The following IL31RA variants were observed in gnomAD, a reference collection of about 807,000 sequenced individuals.
The protein encoded by IL31RA is interleukin 31 receptor A, also known as interleukin-31 receptor subunit alpha.
A neutral mutation model predicts 83.7 loss-of-function variants in IL31RA; 66 were observed. The ratio of observed to expected loss-of-function variants is 0.79; its 90% CI spans 0.65 to 0.97. IL31RA has a LOEUF of 0.97. Among genes scored for constraint, IL31RA ranks in the 50% least tolerant of loss-of-function variants. The pLI, the probability that IL31RA is intolerant of heterozygous loss-of-function variation, is 0.00. For synonymous variants in IL31RA, 325 were observed against 329.0 expected, an observed-to-expected ratio of 0.99 and a Z score of 0.13; for missense variants, 798 against 919.4, an observed-to-expected ratio of 0.87 and a Z score of 1.71.
rs1233949267 is a variant in IL31RA at position 55,872,452 on chromosome 5, G to A, written c.454+1G>A. 1 of 1,583,650 alleles carries A rather than the reference G, an allele frequency of 6.3e-7. No homozygotes were observed. The highest frequency in any genetic ancestry group is 2.2e-5 in the East Asian group (1 of 44,672). Reference sequence around the variant, plus strand: ...ACATACTGGAGATTAGAGAACATAGGTAAGTGTTATTTGATACTCTTATAT... The same window carrying A: ...ACATACTGGAGATTAGAGAACATAGATAAGTGTTATTTGATACTCTTATAT... On this transcript the variant is annotated splice_donor_variant, in intron 4 of 14. Transcript: ENST00000652347. LOFTEE classifies it high-confidence loss of function.
At chr5:55,886,840 C>T (rs1420966940) in intron 5 of IL31RA, among the ~76,000 whole-genome samples, 1 of 152,230 alleles carries the variant, frequency 6.6e-6, no homozygotes, top group African/African-American at 2.4e-5. Flanking sequence ...TTGCACCTCT[C>T]CTGCCCCAAT....
chr5:55,917,693 C>T lies in IL31RA; in HGVS notation c.*573C>T, dbSNP rs1339114594. ...GGTTGTCTGAGGCTCCTCACATCCT[C>T]TTAGATCTCAAGTGCCTGTAGCAAC... On this transcript the variant is annotated 3_prime_UTR_variant, in exon 15 of 15. Transcript: ENST00000652347. Among the ~76,000 whole-genome samples, 3 of 152,188 alleles carry T rather than the reference C, an allele frequency of 2.0e-5. No homozygotes were observed. Among genetic ancestry groups the T allele is most frequent in the African/African-American group, 7.2e-5 (3 of 41,438 alleles).
chr5:55,901,942 T>C (rs1007792557), intron 8 of IL31RA, among the ~76,000 whole-genome samples: 2 of 152,224 alleles, frequency 1.3e-5, no homozygotes, highest in South Asian at 2.1e-4. Flanking sequence ...AAATTTCTGA[T>C]TGATCAAATT....
chr5:55,865,350 C>A (rs982981555), intron 2 of IL31RA, among the ~76,000 whole-genome samples: 1 of 152,068 alleles, frequency 6.6e-6, no homozygotes, highest in African/African-American at 2.4e-5. Context: ...ATGTGCAGGA[C>A]TAGGAGGAAG....
chr5:55,861,996 T>G (rs1439379351), intron 2 of IL31RA, among the ~76,000 whole-genome samples: 2 of 152,200 alleles, frequency 1.3e-5, no homozygotes, highest in East Asian at 3.8e-4. Flanking sequence ...ATGTTCCTCT[T>G]GCGTATGGGA....
chr5:55,876,763 A>T (rs1580685024), intron 4 of IL31RA, among the ~76,000 whole-genome samples: 2 of 151,814 alleles, frequency 1.3e-5, no homozygotes, highest in Middle Eastern at 3.4e-3. Flanking sequence ...TTTAATTTAA[A>T]TTTTTTATTT....
Position 55,851,585 on chromosome 5 carries a change from A to C in IL31RA, c.15A>C (p.Gln5His), listed in dbSNP as rs1238660040. 1 of 1,613,854 alleles carries C rather than the reference A, an allele frequency of 6.2e-7. No individual in the cohort carries two copies. The highest frequency in any genetic ancestry group is 1.3e-5 in the African/African-American group (1 of 74,884). ...CTCAGCTGGGAATGTGCATCAGGCAACTCAAGTTTTTCACCACGGCATGTG... is the reference window on the plus strand; with the variant it reads ...CTCAGCTGGGAATGTGCATCAGGCACCTCAAGTTTTTCACCACGGCATGTG... Reference protein sequence around the residue: MCIRQLKFFTTACVC... With the variant: MCIRHLKFFTTACVC... Residue 5 changes from glutamine (Q) to histidine (H), a missense_variant, in exon 1 of 15, where the codon CAA becomes CAC. Transcript: ENST00000652347.
chr5:55,910,408 G>A (rs1185534815), intron 11 of IL31RA, 124 bp from the exon 12 acceptor site: 10 of 980,932 alleles, frequency 1.0e-5, no homozygotes, highest in Middle Eastern at 2.8e-4. Flanking sequence ...ACATGAATAG[G>A]GGTCAGAATA....
rs1749807356 is a variant in IL31RA at position 55,916,739 on chromosome 5, C to T, written c.1914C>T (p.Asp638=). 2 of 1,614,140 alleles carry T rather than the reference C, an allele frequency of 1.2e-6. No homozygotes were observed. Among genetic ancestry groups the T allele is most frequent in the East Asian group, 4.5e-5 (2 of 44,882 alleles). The change falls in exon 15 of 15, where the codon GAC becomes GAT. Residue 638 remains aspartate (D), a synonymous_variant. Transcript: ENST00000652347. The part of the protein sequence containing the change: ...CSTPSDKLVI[D]KLVVNFGNVL... ...CCCCCAGTGACAAGTTGGTGATTGA[C>T]AAGTTGGTGGTGAACTTTGGGAATG...
chr5:55,910,071 A>G (rs1749409361), intron 11 of IL31RA, among the ~76,000 whole-genome samples: 1 of 152,154 alleles, frequency 6.6e-6, no homozygotes, highest in South Asian at 2.1e-4. Context: ...AAATTGGGTT[A>G]TCTTTTCGTT....
intron 10 of IL31RA, 132 bp from the exon 11 acceptor site, chr5:55,908,133 A>C (rs548260717): frequency 8.0e-7 from 1 of 1,256,372 alleles, no homozygotes; most frequent in Admixed American, 2.0e-5. Context: ...TGATTCATCA[A>C]TTCCCTACTC....
At chr5:55,875,501 G>C (rs1283983908) in intron 4 of IL31RA, among the ~76,000 whole-genome samples, 2 of 152,002 alleles carry the variant, frequency 1.3e-5, no homozygotes, top group African/African-American at 4.8e-5. Flanking sequence ...TTTCTTTGTG[G>C]GAAGTTTTTG....
chr5:55,884,128 G>A (rs770254255), intron 5 of IL31RA, among the ~76,000 whole-genome samples: 1 of 152,074 alleles, frequency 6.6e-6, no homozygotes, highest in Admixed American at 6.6e-5. Context: ...CTATTGGCTG[G>A]TCTGCCTGAT....
At chr5:55,901,806 G>A (rs901135118) in intron 8 of IL31RA, among the ~76,000 whole-genome samples, 4 of 151,720 alleles carry the variant, frequency 2.6e-5, no homozygotes, top group African/African-American at 9.7e-5. Flanking sequence ...GTAGCGACGG[G>A]GTTTCTCCAT....
At chr5:55,865,949 C>T (rs1211244931) in intron 2 of IL31RA, among the ~76,000 whole-genome samples, 2 of 152,166 alleles carry the variant, frequency 1.3e-5, no homozygotes, top group South Asian at 2.1e-4. Context: ...CTCTGTCTTC[C>T]CTGAACTGTC....
Position 55,872,170 on chromosome 5 carries a change from C to T in IL31RA, c.273-100C>T, listed in dbSNP as rs544785557. 1.8e-5 allele frequency: 16 copies of T among 887,772 alleles called. No homozygotes were observed. In the Admixed American group the frequency reaches 3.1e-4, roughly 17 times the overall value. 55.0% of individuals were successfully genotyped at this position (887,772 alleles called of 1,614,324 possible). On this transcript the variant is annotated intron_variant, in intron 3 of 14. Coordinates refer to ENST00000652347, the MANE Select transcript of IL31RA (RefSeq NM_139017.7). Reference sequence around the variant, plus strand: ...CTGGACTATACAGTTCTCAAGAAAACCCAGAGAAAAACTAACAAATTACTG... The same window carrying T: ...CTGGACTATACAGTTCTCAAGAAAATCCAGAGAAAAACTAACAAATTACTG...
At chr5:55,840,025 T>G in the IL31RA span, 3 of 472,010 alleles carry the variant, frequency 6.4e-6, no homozygotes, top group Non-Finnish European at 1.2e-5. Context: ...CCCAACATCA[T>G]TGTCTCTTAC....
chr5:55,906,814 A>G (rs1749187746), intron 9 of IL31RA, among the ~76,000 whole-genome samples: 1 of 152,168 alleles, frequency 6.6e-6, no homozygotes. Flanking sequence ...GATGGAGTGC[A>G]GTGGCACGAT....
intron 6 of IL31RA, among the ~76,000 whole-genome samples, chr5:55,894,123 A>AT (rs751218683): frequency 0.024 from 3,566 of 145,706 alleles, 138 homozygotes; most frequent in African/African-American, 0.082. Context: ...TTGTCTTTAG[A>AT]TTTTTTTTTT....
Sources: gnomAD v4.1 joint callset for allele counts (sites outside exome capture counted in the v4.1 genomes callset) on GRCh38, gnomAD v4.1.1 for gene constraint, MANE v1.5 for transcripts, NCBI Gene and HGNC (gene_info 2026-07-23, HGNC 2026-07-21) for gene names.